TTBK2: variants seen among roughly 807,000 people sequenced by gnomAD.
The protein encoded by TTBK2 is tau tubulin kinase 2.
A neutral mutation model predicts 110.8 loss-of-function variants in TTBK2; 28 were observed. The observed-to-expected ratio is 0.25, with a 90% confidence interval of 0.19 to 0.35. TTBK2 has a LOEUF of 0.35. Among genes scored for constraint, TTBK2 ranks in the 10% least tolerant of loss-of-function variants. The pLI is 1.00. For synonymous variants in TTBK2, 532 were observed against 527.3 expected, an observed-to-expected ratio of 1.01 and a Z score of -0.12; for missense variants, 1,369 against 1,500.3, an observed-to-expected ratio of 0.91 and a Z score of 1.45.
chr15:42,782,174 C>T (rs1275833164), intron 11 of TTBK2, among the ~76,000 whole-genome samples: 9 of 152,104 alleles, frequency 5.9e-5, no homozygotes, highest in South Asian at 4.1e-4. Flanking sequence ...CAGGTTCAAG[C>T]GATTCTCCTG....
At chr15:42,850,957 G>A (rs944533098) in intron 3 of TTBK2, among the ~76,000 whole-genome samples, 57 of 152,078 alleles carry the variant, frequency 3.7e-4, no homozygotes, top group African/African-American at 1.4e-3. Context: ...CAGGCGCGGT[G>A]GCTCATGCCT....
At chr15:42,808,034 AG>A (rs1891548895) in intron 9 of TTBK2, among the ~76,000 whole-genome samples, 1 of 152,238 alleles carries the variant, frequency 6.6e-6, no homozygotes, top group South Asian at 2.1e-4. Flanking sequence ...TTTAAAAGCT[AG>A]TTAGGAAAAC....
At chr15:42,899,672 G>A (rs948263533) in intron 1 of TTBK2, among the ~76,000 whole-genome samples, 15 of 151,960 alleles carry the variant, frequency 9.9e-5, no homozygotes, top group African/African-American at 2.2e-4. Context: ...CCCAGGAGGC[G>A]GAGGTTGCAG....
intron 2 of TTBK2, among the ~76,000 whole-genome samples, chr15:42,874,213 T>C (rs1030320285): frequency 6.6e-6 from 1 of 152,200 alleles, no homozygotes; most frequent in Admixed American, 6.5e-5. Context: ...TCTATTTCCT[T>C]GTGTCCCCCA....
intron 1 of TTBK2, among the ~76,000 whole-genome samples, chr15:42,881,792 A>T (rs1162858259): frequency 2.0e-5 from 3 of 151,788 alleles, no homozygotes; most frequent in African/African-American, 7.3e-5. Flanking sequence ...AATCGCTTGA[A>T]CCCAGGAGGT....
At chr15:42,882,914 A>G (rs1004852220) in intron 1 of TTBK2, among the ~76,000 whole-genome samples, 13 of 152,212 alleles carry the variant, frequency 8.5e-5, no homozygotes, top group Non-Finnish European at 1.9e-4. Flanking sequence ...GGTAATTATA[A>G]TACAGAAAAA....
chr15:42,889,531 T>C (rs140916237), intron 1 of TTBK2, among the ~76,000 whole-genome samples: 1,825 of 152,326 alleles, frequency 0.012, 32 homozygotes, highest in African/African-American at 0.041. Context: ...TAAAACGGAC[T>C]AATGGTCTTT....
intron 1 of TTBK2, among the ~76,000 whole-genome samples, chr15:42,911,046 A>G (rs2030723787): frequency 6.7e-6 from 1 of 148,708 alleles, no homozygotes; most frequent in African/African-American, 2.5e-5. Flanking sequence ...CTCCGTCTCA[A>G]AAAAAAAAAA....
At chr15:42,911,342 C>T (rs1385157319) in intron 1 of TTBK2, among the ~76,000 whole-genome samples, 1 of 152,132 alleles carries the variant, frequency 6.6e-6, no homozygotes, top group Non-Finnish European at 1.5e-5. Flanking sequence ...TGGCACATGC[C>T]TAGAATCCCA....
intron 9 of TTBK2, among the ~76,000 whole-genome samples, chr15:42,808,475 G>A (rs1232447335): frequency 6.6e-6 from 1 of 152,082 alleles, no homozygotes; most frequent in Admixed American, 6.6e-5. Flanking sequence ...TATTTAATAT[G>A]GATATGCTTT....
At chr15:42,843,688 G>A (rs1215376101) in intron 3 of TTBK2, among the ~76,000 whole-genome samples, 1 of 150,814 alleles carries the variant, frequency 6.6e-6, no homozygotes, top group Non-Finnish European at 1.5e-5. Flanking sequence ...GAACCCGGGA[G>A]GAGGAGGCTG....
chr15:42,818,322 T>C (rs900717577), intron 6 of TTBK2, among the ~76,000 whole-genome samples: 3 of 152,242 alleles, frequency 2.0e-5, no homozygotes, highest in African/African-American at 4.8e-5. Context: ...TTTGTCTTGC[T>C]CATTTTACAA....
intron 12 of TTBK2, 174 bp downstream of exon 12, chr15:42,776,857 T>C (rs994729249): frequency 3.0e-6 from 2 of 658,150 alleles, no homozygotes; most frequent in African/African-American, 3.6e-5. Flanking sequence ...AGGATAATAA[T>C]AATTAAAAAC....
At position 42,752,114 on chromosome 15, in the gene TTBK2, G is replaced by T; in HGVS notation, c.3132C>A (p.Ile1044=). The T allele has an allele frequency of 6.2e-7, 1 of 1,614,202 alleles. No individual in the cohort carries two copies. Among genetic ancestry groups the T allele is most frequent in the African/African-American group, 1.3e-5 (1 of 75,048 alleles). The change falls in exon 14 of 15, where the codon ATC becomes ATA. Residue 1044 remains isoleucine, a synonymous_variant. Transcript: ENST00000267890. Reference sequence around the variant, plus strand: ...TTTTGCTCTTTCTAGACTGGGAGATGATGGGTGACAGAAAGCTATCTTCAG... The same window carrying T: ...TTTTGCTCTTTCTAGACTGGGAGATTATGGGTGACAGAAAGCTATCTTCAG... The part of the protein sequence containing the change: ...RSAEDSFLSP[I]ISQSRKSKIP...
At chr15:42,792,472 G>A (rs1890736497) in intron 10 of TTBK2, among the ~76,000 whole-genome samples, 1 of 151,740 alleles carries the variant, frequency 6.6e-6, no homozygotes, top group African/African-American at 2.4e-5. Flanking sequence ...TTTGAATTAT[G>A]CATATTTTTA....
intron 7 of TTBK2, among the ~76,000 whole-genome samples, chr15:42,815,046 T>C (rs1466260939): frequency 1.3e-5 from 2 of 152,224 alleles, no homozygotes; most frequent in Non-Finnish European, 2.9e-5. Flanking sequence ...AAAATACTTA[T>C]GTTTATCTTA....
intron 1 of TTBK2, among the ~76,000 whole-genome samples, chr15:42,881,312 C>CAAA: frequency 8.5e-6 from 1 of 118,312 alleles, no homozygotes; most frequent in Admixed American, 8.6e-5. Flanking sequence ...AAAAAATCAA[C>CAAA]ATTTTCCACA....
chr15:42,817,160 T>C, intron 6 of TTBK2, 63 bp from the exon 7 acceptor site: 4 of 1,409,722 alleles, frequency 2.8e-6, no homozygotes, highest in Non-Finnish European at 9.7e-7. Context: ...TCAGCACACT[T>C]GAACCATGAA....
At chr15:42,856,480 T>C (rs984202990) in intron 3 of TTBK2, among the ~76,000 whole-genome samples, 1 of 152,214 alleles carries the variant, frequency 6.6e-6, no homozygotes, top group African/African-American at 2.4e-5. Flanking sequence ...AAATCCTAAT[T>C]TGAACAAAGC....
Sources: allele counts gnomAD v4.1 joint callset (sites outside exome capture counted in the v4.1 genomes callset), GRCh38; gene constraint gnomAD v4.1.1; transcripts MANE v1.5; gene names NCBI Gene and HGNC (gene_info 2026-07-23, HGNC 2026-07-21).